ZNF723: variants seen among roughly 807,000 people sequenced by gnomAD.
ZNF723 encodes zinc finger protein 723, pseudogene.
Under a neutral mutation model 9.4 loss-of-function variants are expected in ZNF723, and 5 were observed. The observed-to-expected ratio is 0.53, with a 90% confidence interval of 0.28 to 1.12. ZNF723 has a LOEUF of 1.12. Among genes scored for constraint, ZNF723 ranks in the 50% most tolerant of loss-of-function variants. The probability of loss-of-function intolerance (pLI) is 0.10; values close to 1 mark genes in which losing one functional copy is unlikely to be tolerated. For missense variants in ZNF723, 450 were observed against 501.5 expected (o/e 0.90, Z 0.98); for synonymous variants, 158 against 168.8 (o/e 0.94, Z 0.49).
chr19:22,837,137 A>G (rs1967176917), intron 1 of ZNF723, among the ~76,000 whole-genome samples: 1 of 152,086 alleles, frequency 6.6e-6, no homozygotes, highest in African/African-American at 2.4e-5. Context: ...TACTAAAAAT[A>G]CAAAAATTAG....
chr19:22,832,948 AT>A (rs370736971), intron 1 of ZNF723, among the ~76,000 whole-genome samples: 16 of 152,296 alleles, frequency 1.1e-4, no homozygotes, highest in African/African-American at 3.8e-4. Context: ...TAGTTTCCTA[AT>A]TTCCACCTTG....
At chr19:22,814,928 C>T in the ZNF723 span, among the ~76,000 whole-genome samples, 1 of 152,076 alleles carries the variant, frequency 6.6e-6, no homozygotes, top group East Asian at 1.9e-4. Flanking sequence ...TGCCCAAGAA[C>T]AGATTGTGAT....
At chr19:22,839,172 T>C (rs1022557870) in intron 1 of ZNF723, among the ~76,000 whole-genome samples, 1 of 152,106 alleles carries the variant, frequency 6.6e-6, no homozygotes. Context: ...TTCTGTATTA[T>C]ATTTTCTTTA....
At chr19:22,818,261 AG>A in the ZNF723 span, among the ~76,000 whole-genome samples, 1 of 152,182 alleles carries the variant, frequency 6.6e-6, no homozygotes, top group Non-Finnish European at 1.5e-5. Context: ...AACAAGGCCC[AG>A]CACGCAGGTG....
In ZNF723 at chr19:22,857,350, C is replaced by T. The variant is rs58267414; in HGVS notation, c.459C>T (p.Val153=). 1,823 of 825,958 alleles carry T rather than the reference C, an allele frequency of 2.2e-3. 27 individuals are homozygous for T. The African/African-American group carries it at 0.028, about 12-fold the overall frequency. The allele number at this position is 825,958 out of a possible 1,614,324, so 51.2% of individuals were successfully genotyped here. The change falls in exon 4 of 4, where the codon GTC becomes GTT. Residue 153 remains valine, a synonymous_variant. Coordinates refer to ENST00000600766, the MANE Select transcript of ZNF723 (RefSeq NM_001349726.2). ...KIFQCDKYVK[V]FHKFSSSNSQ... ...TTCAATGTGATAAATATGTAAAAGT[C>T]TTTCATAAATTTTCAAGTTCAAATA...
At chr19:22,826,333 T>C in the ZNF723 span, among the ~76,000 whole-genome samples, 2 of 151,918 alleles carry the variant, frequency 1.3e-5, no homozygotes, top group African/African-American at 4.9e-5. Flanking sequence ...TGAAGATGAC[T>C]CTTGTACCTG....
Position 22,857,721 on chromosome 19 carries a change from G to T in ZNF723, c.830G>T (p.Arg277Ile). ...TTCTCAAGCCTTAATAATCATAAGAGAATTCACACTGGAGAGAAACCCTAC... is the reference window on the plus strand; with the variant it reads ...TTCTCAAGCCTTAATAATCATAAGATAATTCACACTGGAGAGAAACCCTAC... ...NMFSSLNNHK[R>I]IHTGEKPYKC... Residue 277 changes from arginine to isoleucine, a missense_variant, in exon 4 of 4, where the codon AGA becomes ATA. Physicochemically the swap from Arg to Ile is moderately conservative, Grantham distance 97. Coordinates refer to ENST00000600766, the MANE Select transcript of ZNF723 (RefSeq NM_001349726.2). 7.9e-7 allele frequency: 1 copy of T among 1,271,764 alleles called. No individual in the cohort carries two copies. Among genetic ancestry groups the T allele is most frequent in the Non-Finnish European group, 1.2e-6 (1 of 868,490 alleles). The allele number at this position is 1,271,764 out of a possible 1,614,324, so 78.8% of individuals were successfully genotyped here.
Position 22,845,889 on chromosome 19 carries a change from C to CTTTTTTTTTT in ZNF723, c.4-2363_4-2354dup, listed in dbSNP as rs1214348571. Among the ~76,000 whole-genome samples the CTTTTTTTTTT allele has an allele frequency of 3.9e-3, 480 of 124,326 alleles. 12 individuals are homozygous for CTTTTTTTTTT. The highest frequency in any genetic ancestry group is 0.014 in the African/African-American group (457 of 32,432). 81.6% of individuals were successfully genotyped at this position (124,326 alleles called of 152,430 possible). A position where few individuals can be genotyped will look rare whatever the true frequency, so the allele number is the denominator to read the frequency against. On this transcript the variant is annotated intron_variant, in intron 1 of 3. Transcript: ENST00000600766. ...AGGAGGAGATAGGGAAAAAATATGC[C>CTTTTTTTTTT]TTTTTTTTTTTTTTTTTTAGCTAAA...
rs1967517437 is a variant in ZNF723, at chr19:22,858,468, C to T, written c.*35C>T. On this transcript the variant is annotated 3_prime_UTR_variant, in exon 4 of 4. Coordinates refer to ENST00000600766, the MANE Select transcript of ZNF723 (RefSeq NM_001349726.2). Reference sequence around the variant, plus strand: ...TTATGAAATCCCAAACTTTTTTAAACATAAAAGAAATGCTGGTGGCCAGGC... The same window carrying T: ...TTATGAAATCCCAAACTTTTTTAAATATAAAAGAAATGCTGGTGGCCAGGC... The T allele has an allele frequency of 3.1e-6, 2 of 636,008 alleles. No individual in the cohort carries two copies. The highest frequency in any genetic ancestry group is 3.7e-5 in the African/African-American group (2 of 54,558). 39.4% of individuals were successfully genotyped at this position (636,008 alleles called of 1,614,324 possible).
At chr19:22,825,168 T>A in the ZNF723 span, among the ~76,000 whole-genome samples, 1 of 152,198 alleles carries the variant, frequency 6.6e-6, no homozygotes, top group Non-Finnish European at 1.5e-5. Flanking sequence ...GACTCTCATA[T>A]GTGGATCCCA....
At position 22,846,813 on chromosome 19, in the gene ZNF723, CTTTTTTTTTTT is replaced by C. The variant is rs760924027; in HGVS notation, c.4-1430_4-1420del. 9.2e-3 allele frequency among the ~76,000 whole-genome samples: 639 copies of C among 69,140 alleles called. 9 individuals carry two copies. The highest frequency in any genetic ancestry group is 0.032 in the African/African-American group (527 of 16,688). The allele number at this position is 69,140 out of a possible 152,430, so 45.4% of individuals were successfully genotyped here. Reference sequence around the variant, plus strand: ...ATGGTTGCATTCAGCCTATAATTTCCTTTTTTTTTTTTTTTTTTTTTTTTTTTTGAGATGGA... The same window carrying C: ...ATGGTTGCATTCAGCCTATAATTTCCTTTTTTTTTTTTTTTTTGAGATGGA... On this transcript the variant is annotated intron_variant, in intron 1 of 3. Coordinates refer to ENST00000600766, the MANE Select transcript of ZNF723 (RefSeq NM_001349726.2).
the ZNF723 span, among the ~76,000 whole-genome samples, chr19:22,821,872 G>A: frequency 6.6e-6 from 1 of 152,198 alleles, no homozygotes; most frequent in Admixed American, 6.5e-5. Flanking sequence ...CCTCTGGGGG[G>A]CCAAGGCGGG....
chr19:22,829,521 G>T (rs984865478), upstream of ZNF723, among the ~76,000 whole-genome samples: 2 of 152,124 alleles, frequency 1.3e-5, no homozygotes, highest in Admixed American at 1.3e-4. Context: ...CTGACCTCAG[G>T]TGATCTGTCT....
At chr19:22,815,694 C>T in the ZNF723 span, among the ~76,000 whole-genome samples, 64 of 152,226 alleles carry the variant, frequency 4.2e-4, no homozygotes, top group African/African-American at 1.3e-3. Context: ...ACACTACCTC[C>T]GATAGCTAGA....
At chr19:22,830,621 A>C (rs763369114), upstream of ZNF723, among the ~76,000 whole-genome samples, 1 of 152,176 alleles carries the variant, frequency 6.6e-6, no homozygotes, top group African/African-American at 2.4e-5. Context: ...TGATCAACAA[A>C]TTCAGTTTAT....
the ZNF723 span, among the ~76,000 whole-genome samples, chr19:22,815,048 A>G: frequency 6.6e-6 from 1 of 151,828 alleles, no homozygotes; most frequent in Admixed American, 6.6e-5. Context: ...GTATTATAAT[A>G]TATCTGTTCA....
At chr19:22,831,251 T>G (rs577093575), upstream of ZNF723, among the ~76,000 whole-genome samples, 19 of 152,274 alleles carry the variant, frequency 1.2e-4, no homozygotes, top group African/African-American at 4.6e-4. Context: ...GAATACTACC[T>G]TTTTCTTTTT....
chr19:22,852,353 A>G (rs899041392), intron 3 of ZNF723, among the ~76,000 whole-genome samples: 2 of 152,162 alleles, frequency 1.3e-5, no homozygotes, highest in South Asian at 4.1e-4. Flanking sequence ...TTATATGACA[A>G]TATTAAAGTC....
chr19:22,838,824 C>T (rs62122459), intron 1 of ZNF723, among the ~76,000 whole-genome samples: 30,411 of 151,702 alleles, frequency 0.2, 3,557 homozygotes, highest in African/African-American at 0.32. Flanking sequence ...CTCTGCTCAC[C>T]GCAACCTCTG....
Sources: allele counts gnomAD v4.1 joint callset (sites outside exome capture counted in the v4.1 genomes callset), GRCh38; gene constraint gnomAD v4.1.1; transcripts MANE v1.5; gene names NCBI Gene and HGNC (gene_info 2026-07-23, HGNC 2026-07-21).